Variants in SUGP1 observed in about 807,000 individuals in gnomAD.
SUGP1 encodes SURP and G-patch domain-containing protein 1.
A neutral mutation model predicts 76.5 loss-of-function variants in SUGP1; 34 were observed. The ratio of observed to expected loss-of-function variants is 0.44; its 90% confidence interval spans 0.34 to 0.59. The LOEUF is 0.59. SUGP1 is among the 20% of genes least tolerant of loss of function. SUGP1 has a pLI of 0.01. For missense variants in SUGP1, 752 were observed against 851.7 expected (o/e 0.88, Z 1.46); for synonymous variants, 326 against 326.2 (o/e 1.00, Z 0.01).
intron 2 of SUGP1, among the ~76,000 whole-genome samples, chr19:19,312,520 G>T (rs1229996445): frequency 1.3e-5 from 2 of 152,120 alleles, no homozygotes; most frequent in African/African-American, 2.4e-5. Context: ...AGTCCACAGG[G>T]CTAGCCTTTT....
intron 6 of SUGP1, 83 bp downstream of exon 6, chr19:19,303,264 CA>C (rs2061285828): frequency 8.5e-7 from 1 of 1,172,464 alleles, no homozygotes; most frequent in African/African-American, 1.5e-5. Context: ...GCCACTCCAG[CA>C]CCTCCAGGAA....
intron 3 of SUGP1, among the ~76,000 whole-genome samples, chr19:19,307,350 G>A (rs1434845613): frequency 6.6e-6 from 1 of 151,974 alleles, no homozygotes; most frequent in Non-Finnish European, 1.5e-5. Context: ...ATGCCTGGCA[G>A]GGGCTTCATC....
chr19:19,304,671 C>G (rs2061302424), intron 4 of SUGP1, among the ~76,000 whole-genome samples: 1 of 152,178 alleles, frequency 6.6e-6, no homozygotes, highest in African/African-American at 2.4e-5. Context: ...TTGTCAGCTA[C>G]TACACAGACT....
chr19:19,302,474 G>A, intron 6 of SUGP1, 86 bp from the exon 7 acceptor site: 1 of 1,547,036 alleles, frequency 6.5e-7, no homozygotes, highest in Non-Finnish European at 8.8e-7. Flanking sequence ...AACAAGTGGG[G>A]TTTGTTTTAG....
chr19:19,309,995 G>A lies in SUGP1; in HGVS notation c.310+102C>T, dbSNP rs1182613640. 55 of 779,836 alleles carry A rather than the reference G, an allele frequency of 7.1e-5. 1 individual carries two copies. The highest frequency in any genetic ancestry group is 6.1e-4 in the South Asian group (42 of 68,692). 48.3% of individuals were successfully genotyped at this position (779,836 alleles called of 1,614,324 possible). A position where few individuals can be genotyped will look rare whatever the true frequency, so the allele number is the denominator to read the frequency against. On this transcript the variant is annotated intron_variant, in intron 3 of 13. Transcript: ENST00000247001. ...GGAATGAGGGCGATCTATGATTACC[G>A]GTGAGCAGGAGTCTGAGGTGGGACC...
chr19:19,305,667 C>T (rs1026591113), intron 4 of SUGP1, 182 bp downstream of exon 4: 4 of 570,944 alleles, frequency 7.0e-6, no homozygotes, highest in Middle Eastern at 4.4e-4. Context: ...ACCCCAGCCC[C>T]GCCCCTCACC....
intron 8 of SUGP1, among the ~76,000 whole-genome samples, chr19:19,286,115 C>A (rs2061138256): frequency 6.6e-6 from 1 of 152,166 alleles, no homozygotes; most frequent in Non-Finnish European, 1.5e-5. Flanking sequence ...AACAAAAATT[C>A]TTTTTCTAGA....
intron 11 of SUGP1, 145 bp from the exon 12 acceptor site, chr19:19,278,024 A>C (rs547972404): frequency 1.7e-5 from 17 of 1,013,904 alleles, no homozygotes; most frequent in Non-Finnish European, 2.1e-5. Flanking sequence ...CTTGAGAACA[A>C]ACAGACCAAG....
chr19:19,316,861 G>A, intron 1 of SUGP1, among the ~76,000 whole-genome samples: 1 of 152,128 alleles, frequency 6.6e-6, no homozygotes. Flanking sequence ...CTTTCGGGCT[G>A]GTGCAGAGGC....
At chr19:19,284,846 G>T (rs551891277) in intron 8 of SUGP1, among the ~76,000 whole-genome samples, 1 of 151,530 alleles carries the variant, frequency 6.6e-6, no homozygotes, top group Non-Finnish European at 1.5e-5. Flanking sequence ...CATTGAGAAG[G>T]AAAGATATGC....
intron 2 of SUGP1, among the ~76,000 whole-genome samples, chr19:19,313,675 C>CTGCA (rs1348902764): frequency 2.0e-5 from 3 of 152,108 alleles, no homozygotes; most frequent in African/African-American, 7.2e-5. Flanking sequence ...TGCCACTGTA[C>CTGCA]TGCAGCCTGG....
intron 11 of SUGP1, 51 bp from the exon 12 acceptor site, chr19:19,277,930 C>T: frequency 6.2e-7 from 1 of 1,600,168 alleles, no homozygotes; most frequent in Non-Finnish European, 8.5e-7. Context: ...GCTGTGGTGG[C>T]CCCCAAATCC....
At chr19:19,287,013 G>A (rs1028996048) in intron 8 of SUGP1, among the ~76,000 whole-genome samples, 5 of 151,920 alleles carry the variant, frequency 3.3e-5, no homozygotes, top group African/African-American at 9.7e-5. Flanking sequence ...AGTGGCTCAC[G>A]CCTGTAATCC....
Position 19,318,991 on chromosome 19 carries a change from G to A in SUGP1, c.34+1472C>T, listed in dbSNP as rs565805735. ...CCCAGCACCTGGGAGGCTGAAGCAG[G>A]CAGATCACTTGAGGTCAGGAGATCG... is the stretch of plus-strand genomic sequence containing the variant. On this transcript the variant is annotated intron_variant, in intron 1 of 13. Transcript: ENST00000247001. 2.7e-4 allele frequency among the ~76,000 whole-genome samples: 41 copies of A among 152,270 alleles called. 1 individual carries two copies. The highest frequency in any genetic ancestry group is 9.9e-4 in the African/African-American group (41 of 41,544).
chr19:19,302,212 C>T, intron 7 of SUGP1, 53 bp downstream of exon 7: 1 of 1,607,434 alleles, frequency 6.2e-7, no homozygotes, highest in Admixed American at 1.7e-5. Flanking sequence ...TCCTCCCCTG[C>T]AGGGGGACTG....
Position 19,310,167 on chromosome 19 carries a change from G to A in SUGP1, c.240C>T (p.Ser80=). Residue 80 remains serine (S), a synonymous_variant, in exon 3 of 14, where the codon TCC becomes TCT. Transcript: ENST00000247001. ...ITNAHNSSCI[S]NKFANDGSFL... Reference sequence around the variant, plus strand: ...AGCTACCATCGTTGGCAAACTTGTTGGAAATGCAGGAAGAGTTGTGTGCAT... The same window carrying A: ...AGCTACCATCGTTGGCAAACTTGTTAGAAATGCAGGAAGAGTTGTGTGCAT... 3.1e-6 allele frequency: 5 copies of A among 1,613,684 alleles called. No homozygotes were observed. The highest frequency in any genetic ancestry group is 3.4e-6 in the Non-Finnish European group (4 of 1,179,694).
Position 19,276,351 on chromosome 19 carries a change from T to C in SUGP1, c.*297A>G. On this transcript the variant is annotated 3_prime_UTR_variant, in exon 14 of 14. Transcript: ENST00000247001. ...CAGGGGTGAGACACTGCACCTGGCCTTCCAGCTTTACTATGCTGAAAACAA... is the reference window on the plus strand; with the variant it reads ...CAGGGGTGAGACACTGCACCTGGCCCTCCAGCTTTACTATGCTGAAAACAA... The C allele has an allele frequency of 2.8e-6, 1 of 355,418 alleles. No homozygotes were observed. Among genetic ancestry groups the C allele is most frequent in the Non-Finnish European group, 5.3e-6 (1 of 190,398 alleles). The allele number at this position is 355,418 out of a possible 1,614,324, so 22.0% of individuals were successfully genotyped here. A position where few individuals can be genotyped will look rare whatever the true frequency, so the allele number is the denominator to read the frequency against.
intron 3 of SUGP1, among the ~76,000 whole-genome samples, chr19:19,309,175 T>C (rs113145184): frequency 0.15 from 23,129 of 152,000 alleles, 1,891 homozygotes; most frequent in Middle Eastern, 0.28. Context: ...CCTGCCCCCT[T>C]GGTATTAATT....
chr19:19,320,143 A>C (rs2061430873), intron 1 of SUGP1, among the ~76,000 whole-genome samples: 1 of 152,198 alleles, frequency 6.6e-6, no homozygotes. Flanking sequence ...GGGTGCAGGG[A>C]CAGCCCAAGG....
Sources: gnomAD v4.1 joint callset for allele counts (sites outside exome capture counted in the v4.1 genomes callset) on GRCh38, gnomAD v4.1.1 for gene constraint, MANE v1.5 for transcripts, NCBI Gene and HGNC (gene_info 2026-07-23, HGNC 2026-07-21) for gene names.